Variants in CP observed in about 807,000 individuals in gnomAD.
CP encodes ceruloplasmin.
CP carries 64 observed loss-of-function variants against 122.4 expected under a neutral mutation model. The ratio of observed to expected loss-of-function variants is 0.52; its 90% CI spans 0.43 to 0.64. The LOEUF (loss-of-function observed/expected upper bound fraction) is 0.64, where lower values mean the gene tolerates loss of function less well. CP is among the 30% of genes least tolerant of loss of function. The probability of loss-of-function intolerance (pLI) is 0.00; values close to 1 mark genes in which losing one functional copy is unlikely to be tolerated. For synonymous variants in CP, 440 were observed against 436.4 expected (o/e 1.01, Z -0.10); for missense variants, 1,167 against 1,284.4 (o/e 0.91, Z 1.40).
At chr3:149,182,927 G>A (rs988687181) in intron 13 of CP, among the ~76,000 whole-genome samples, 1 of 152,084 alleles carries the variant, frequency 6.6e-6, no homozygotes, top group Non-Finnish European at 1.5e-5. Context: ...GAGGTGGGCG[G>A]ATCACTTGAG....
chr3:149,188,921 A>G (rs952952675), intron 9 of CP, among the ~76,000 whole-genome samples: 11 of 152,196 alleles, frequency 7.2e-5, no homozygotes, highest in Non-Finnish European at 1.5e-4. Flanking sequence ...CAGATACATG[A>G]TAAGGTGATT....
chr3:149,167,888 G>A, downstream of CP: 1 of 1,562,536 alleles, frequency 6.4e-7, no homozygotes, highest in South Asian at 1.1e-5. Flanking sequence ...TTTTTCCTAA[G>A]ATAGACTCTG....
At chr3:149,213,829 G>C (rs1559961231) in intron 1 of CP, among the ~76,000 whole-genome samples, 4 of 152,154 alleles carry the variant, frequency 2.6e-5, no homozygotes, top group Admixed American at 2.0e-4. Context: ...CCTTCTTTAA[G>C]ACAAGAGCAG....
At chr3:149,199,917 G>A in intron 7 of CP, 53 bp from the exon 8 acceptor site, 1 of 1,550,714 alleles carries the variant, frequency 6.4e-7, no homozygotes, top group Non-Finnish European at 8.9e-7. Context: ...CATGCAGAAT[G>A]TATAAGATAG....
At position 149,181,986 on chromosome 3, in the gene CP, C is replaced by CGGCGGGGGGGG; in HGVS notation, c.2554+18_2554+19insCCCCCCCCGCC. ...AGCCTGTTAAAATGCACCACCCCCA[C>CGGCGGGGGGGG]CCCCGCCCCCGTGAGTACCTGGTAA... On this transcript the variant is annotated intron_variant, in intron 14 of 18. Transcript: ENST00000264613. The CGGCGGGGGGGG allele has an allele frequency of 1.7e-6, 1 of 586,880 alleles. No individual in the cohort carries two copies. Among genetic ancestry groups the CGGCGGGGGGGG allele is most frequent in the Non-Finnish European group, 3.1e-6 (1 of 319,264 alleles). The allele number at this position is 586,880 out of a possible 1,614,324, so 36.4% of individuals were successfully genotyped here.
chr3:149,187,829 C>G (rs998830633), intron 10 of CP: 5 of 531,052 alleles, frequency 9.4e-6, no homozygotes, highest in Non-Finnish European at 3.4e-6. Flanking sequence ...AGGGACCACA[C>G]TTTAAGGACC....
At chr3:149,165,988 T>G (rs1424305163) in exon 5 of CP, 1 of 456,240 alleles carries the variant, frequency 2.2e-6, no homozygotes, top group Non-Finnish European at 4.4e-6. Context: ...TGGAATAAAA[T>G]AATCACACTG....
intron 1 of CP, among the ~76,000 whole-genome samples, chr3:149,217,641 G>C (rs1303721463): frequency 6.6e-6 from 1 of 152,138 alleles, no homozygotes; most frequent in Non-Finnish European, 1.5e-5. Flanking sequence ...GAATAAACTT[G>C]TTAAACTTTC....
rs374288870 is a variant in CP at position 149,178,597 on chromosome 3, A to G, written c.2696T>C (p.Val899Ala). The change falls in exon 16 of 19, where the codon GTT (valine) becomes GCT (alanine). Residue 899 changes from valine to alanine, a missense_variant. Physicochemically the swap from Val to Ala is moderately conservative, Grantham distance 64. This residue lies in a region of CP where 525 missense variants were observed against 657.2 expected (regional missense o/e 0.80). Coordinates refer to ENST00000264613, the MANE Select transcript of CP (RefSeq NM_000096.4). ...LYSGLIGPLI[V>A]CRRPYLKVFN... ...TACTTTCAAGTAAGGTCTTCGACAA[A>G]CAATCAGGGGGCCAATTAATCCACT... 8.7e-6 allele frequency: 14 copies of G among 1,613,330 alleles called. No homozygotes were observed. The highest frequency in any genetic ancestry group is 2.2e-5 in the East Asian group (1 of 44,858).
chr3:149,212,842 T>C lies in CP; in HGVS notation c.147-144A>G, dbSNP rs976414434. On this transcript the variant is annotated intron_variant, in intron 1 of 18. Coordinates refer to ENST00000264613, the MANE Select transcript of CP (RefSeq NM_000096.4). ...GCCTGTTGTAGGGATGCCTCCAAAATTGAAGTGGAGGGCTGGTAGTTAGCC... is the reference window on the plus strand; with the variant it reads ...GCCTGTTGTAGGGATGCCTCCAAAACTGAAGTGGAGGGCTGGTAGTTAGCC... 3.5e-5 allele frequency: 34 copies of C among 985,324 alleles called. No individual in the cohort carries two copies. The East Asian group carries it at 8.2e-4, about 24-fold the overall frequency. The allele number at this position is 985,324 out of a possible 1,614,324, so 61.0% of individuals were successfully genotyped here.
At chr3:149,162,921 C>T (rs763819697) in intron 5 of CP, 3 of 1,438,142 alleles carry the variant, frequency 2.1e-6, no homozygotes, top group Non-Finnish European at 2.9e-6. Context: ...TCATGCATTG[C>T]CCATTACAAA....
chr3:149,216,006 C>T (rs1728436127), intron 1 of CP, among the ~76,000 whole-genome samples: 2 of 152,152 alleles, frequency 1.3e-5, no homozygotes, highest in Admixed American at 1.3e-4. Context: ...ATGCTATTCC[C>T]TCCCATAAAT....
chr3:149,188,453 C>T (rs1175152727), intron 9 of CP, among the ~76,000 whole-genome samples: 1 of 136,336 alleles, frequency 7.3e-6, no homozygotes, highest in Non-Finnish European at 1.5e-5. Context: ...TCTAACTCTA[C>T]CTTCCTGCCC....
At chr3:149,190,685 G>T (rs1176610512) in intron 9 of CP, among the ~76,000 whole-genome samples, 1 of 151,272 alleles carries the variant, frequency 6.6e-6, no homozygotes, top group Non-Finnish European at 1.5e-5. Flanking sequence ...AAAAGGAGGG[G>T]GGGAACCCCA....
intron 11 of CP, 100 bp downstream of exon 11, chr3:149,186,397 AGGAAGGGCACTTCAGAGGCTTGG>A: frequency 2.2e-6 from 2 of 891,748 alleles, no homozygotes; most frequent in Non-Finnish European, 3.7e-6. Flanking sequence ...TTTCAAAGAT[AGGAAGGGCACTTCAGAGGCTTGG>A]GGAAGGGATA....
intron 7 of CP, chr3:149,200,168 T>C: frequency 5.1e-6 from 2 of 389,034 alleles, no homozygotes; most frequent in Non-Finnish European, 9.8e-6. Context: ...CTCCTCAGCC[T>C]AATCTTCTGT....
At chr3:149,216,874 A>C (rs74689677) in intron 1 of CP, among the ~76,000 whole-genome samples, 6,295 of 150,880 alleles carry the variant, frequency 0.042, 329 homozygotes, top group African/African-American at 0.12. Context: ...AAGTGTTTGG[A>C]AGTGTACTGC....
At chr3:149,163,975 A>T (rs776598199) in intron 5 of CP, 2 of 1,071,436 alleles carry the variant, frequency 1.9e-6, no homozygotes, top group East Asian at 4.8e-5. Context: ...TCCTTTTCTT[A>T]TGAAATTGCA....
chr3:149,199,913 G>C, intron 7 of CP, 49 bp from the exon 8 acceptor site: 1 of 1,563,516 alleles, frequency 6.4e-7, no homozygotes. Flanking sequence ...GTAACATGCA[G>C]AATGTATAAG....
Sources: allele counts gnomAD v4.1 joint callset (sites outside exome capture counted in the v4.1 genomes callset), GRCh38; gene constraint gnomAD v4.1.1; regional missense constraint gnomAD v4.1.1; transcripts MANE v1.5; gene names NCBI Gene and HGNC (gene_info 2026-07-23, HGNC 2026-07-21).